NFS1: variants seen among roughly 807,000 people sequenced by gnomAD.
NFS1 encodes the protein cysteine desulfurase.
NFS1 carries 26 observed loss-of-function variants against 57.3 expected under a neutral mutation model. The ratio of observed to expected loss-of-function variants is 0.45; its 90% CI spans 0.33 to 0.63. NFS1 has a LOEUF of 0.63. Ranked by LOEUF, NFS1 falls within the 20% of genes least tolerant of loss-of-function variation. The pLI, the probability that NFS1 is intolerant of heterozygous loss-of-function variation, is 0.02. For synonymous variants in NFS1, 209 were observed against 216.3 expected, an observed-to-expected ratio of 0.97 and a Z score of 0.30; for missense variants, 505 against 605.8, an observed-to-expected ratio of 0.83 and a Z score of 1.75.
Position 35,675,170 on chromosome 20 carries a change from G to A in NFS1, c.823C>T (p.Arg275Cys), listed in dbSNP as rs745650051. Reference protein sequence around the residue: ...VGAIYIRRRPRVRVEALQSGG... With the variant: ...VGAIYIRRRPCVRVEALQSGG... ...CTCTGCAGGGCCTCCACACGCACAC[G>A]GGGCCGGCGACGGATGTAGATGGCA... Residue 275 changes from arginine to cysteine, a missense_variant, in exon 8 of 13, where the codon CGT becomes TGT. Transcript: ENST00000374092. 1.3e-5 allele frequency: 21 copies of A among 1,613,476 alleles called. No individual in the cohort carries two copies. Among genetic ancestry groups the A allele is most frequent in the Admixed American group, 8.3e-5 (5 of 59,956 alleles).
At chr20:35,676,415 G>C (rs965066076) in intron 7 of NFS1, among the ~76,000 whole-genome samples, 2 of 151,362 alleles carry the variant, frequency 1.3e-5, no homozygotes, top group Admixed American at 6.6e-5. Flanking sequence ...GTGAAACCCC[G>C]TAATTATTAA....
intron 4 of NFS1, among the ~76,000 whole-genome samples, chr20:35,695,995 GCGC>G (rs1266111549): frequency 6.6e-6 from 1 of 151,912 alleles, no homozygotes; most frequent in Non-Finnish European, 1.5e-5. Flanking sequence ...AGCTGAGATT[GCGC>G]CACTGCACTC....
intron 3 of NFS1, 60 bp from the exon 4 acceptor site, chr20:35,696,520 G>A (rs1232509231): frequency 7.5e-7 from 1 of 1,326,304 alleles, no homozygotes; most frequent in Non-Finnish European, 1.1e-6. Flanking sequence ...TAGAGCTGCA[G>A]ACACAGGTGG....
rs1169590159 is a variant in NFS1, at chr20:35,699,223, G to C, written c.66C>G (p.Pro22=). The change falls in exon 1 of 13, where the codon CCC becomes CCG. Residue 22 remains proline (P), a synonymous_variant. Coordinates refer to ENST00000374092, the MANE Select transcript of NFS1 (RefSeq NM_021100.5). The surrounding 1 kb of genome is among the most constrained non-coding windows in gnomAD (Gnocchi z 4.4). ...GGCGCAGCCCCCGAGTGGGCGCCGC[G>C]GGCTTCGGCCCTGGAGCCGCTGTCA... The part of the protein sequence containing the change: ...VAVTAAPGPK[P]AAPTRGLRLR... The C allele has an allele frequency of 4.2e-6, 6 of 1,427,880 alleles. No individual in the cohort carries two copies. The highest frequency in any genetic ancestry group is 1.5e-5 in the African/African-American group (1 of 66,516). The allele number at this position is 1,427,880 out of a possible 1,614,324, so 88.5% of individuals were successfully genotyped here.
intron 3 of NFS1, among the ~76,000 whole-genome samples, chr20:35,696,935 C>T (rs866580479): frequency 3.9e-5 from 6 of 151,926 alleles, no homozygotes; most frequent in Admixed American, 6.6e-5. Context: ...GGAGAAACCC[C>T]GTCTCTACTA....
At chr20:35,673,507 A>G (rs1357643598) in intron 11 of NFS1, 94 bp downstream of exon 11, 2 of 1,082,788 alleles carry the variant, frequency 1.8e-6, no homozygotes, top group Non-Finnish European at 2.8e-6. Flanking sequence ...CTCGACTGAG[A>G]AAAACTTCAG....
At chr20:35,674,678 G>T in intron 8 of NFS1, 61 bp from the exon 9 acceptor site, 2 of 1,310,716 alleles carry the variant, frequency 1.5e-6, no homozygotes, top group South Asian at 2.4e-5. Flanking sequence ...AAGACAGTTT[G>T]AGAAGCCCTT....
intron 7 of NFS1, chr20:35,675,528 G>C (rs1463235804): frequency 1.9e-5 from 6 of 307,938 alleles, no homozygotes; most frequent in African/African-American, 1.1e-4. Context: ...CATCATCAGG[G>C]TAATGGTCAA....
chr20:35,680,681 T>A lies in NFS1; in HGVS notation c.790+56A>T, dbSNP rs954923997. 9.4e-6 allele frequency: 13 copies of A among 1,382,840 alleles called. No homozygotes were observed. In the African/African-American group the frequency reaches 1.8e-4, roughly 19 times the overall value. The allele number at this position is 1,382,840 out of a possible 1,614,324, so 85.7% of individuals were successfully genotyped here. ...GTCCCAAATGACTGTGACAAACATC[T>A]ATCAAAGGTCTTGCTGGAAGGTACA... On this transcript the variant is annotated intron_variant, in intron 7 of 12. Transcript: ENST00000374092.
At chr20:35,670,052 A>G (rs2034628310) in intron 12 of NFS1, among the ~76,000 whole-genome samples, 1 of 152,250 alleles carries the variant, frequency 6.6e-6, no homozygotes, top group South Asian at 2.1e-4. Context: ...TGAGACTTGT[A>G]TAAACATCTA....
chr20:35,681,515 T>C (rs891182766), intron 6 of NFS1, among the ~76,000 whole-genome samples: 2 of 152,192 alleles, frequency 1.3e-5, no homozygotes, highest in Non-Finnish European at 2.9e-5. Context: ...CTGGCCAACA[T>C]GGCAAAACCT....
Position 35,673,678 on chromosome 20 carries a change from G to T in NFS1, c.1143C>A (p.Cys381Ter). The T allele has an allele frequency of 6.2e-7, 1 of 1,613,504 alleles. No homozygotes were observed. The highest frequency in any genetic ancestry group is 8.5e-7 in the Non-Finnish European group (1 of 1,179,556). The change falls in exon 11 of 13, where the codon TGC (cysteine) becomes TGA (stop). Residue 381 changes from cysteine to a stop codon, truncating the protein, a stop_gained. Coordinates refer to ENST00000374092, the MANE Select transcript of NFS1 (RefSeq NM_021100.5). LOFTEE classifies it high-confidence loss of function. Reference sequence around the variant, plus strand: ...AAGAGGGCTCCAGGGATGCAGAGGTGCAGGCACTGAGGAGAGAGACACGAA... The same window carrying T: ...AAGAGGGCTCCAGGGATGCAGAGGTTCAGGCACTGAGGAGAGAGACACGAA... Reference protein sequence around the residue: ...KDVALSSGSACTSASLEPSYV... With the variant: ...KDVALSSGSA
At chr20:35,697,087 CA>C (rs1417084064) in intron 3 of NFS1, among the ~76,000 whole-genome samples, 1 of 151,058 alleles carries the variant, frequency 6.6e-6, no homozygotes, top group Admixed American at 6.6e-5. Flanking sequence ...GCCTGGGTAA[CA>C]AGAGCAAAAC....
At chr20:35,673,978 G>A (rs964608749) in intron 10 of NFS1, 2 of 446,192 alleles carry the variant, frequency 4.5e-6, no homozygotes, top group African/African-American at 4.0e-5. Flanking sequence ...AGAGGACCAT[G>A]TGCTCACTTC....
chr20:35,673,803 G>A (rs2034696263), intron 10 of NFS1, 119 bp from the exon 11 acceptor site: 1 of 707,732 alleles, frequency 1.4e-6, no homozygotes, highest in East Asian at 2.8e-5. Flanking sequence ...GAAAACAAGA[G>A]ACCTTCTAAT....
rs1186290541 is a variant in NFS1 at position 35,696,433 on chromosome 20, G to T, written c.352C>A (p.Pro118Thr). 6.2e-7 allele frequency: 1 copy of T among 1,613,778 alleles called. No individual in the cohort carries two copies. Among genetic ancestry groups the T allele is most frequent in the Non-Finnish European group, 8.5e-7 (1 of 1,179,872 alleles). ...QQVASLIGAD[P>T]REIIFTSGAT... ...CCACTAGTAAAAATGATCTCACGAG[G>T]ATCAGCTCCAATCAGAGATGCTACT... is the stretch of plus-strand genomic sequence containing the variant. The change falls in exon 4 of 13, where the codon CCT becomes ACT. Residue 118 changes from proline to threonine, a missense_variant. Pro to Thr is a conservative substitution (Grantham distance 38). Coordinates refer to ENST00000374092, the MANE Select transcript of NFS1 (RefSeq NM_021100.5).
intron 1 of NFS1, chr20:35,698,982 C>G: frequency 7.5e-7 from 1 of 1,326,308 alleles, no homozygotes; most frequent in Non-Finnish European, 9.6e-7. Context: ...CTCCACGGCT[C>G]TGGGGGCCTG....
intron 5 of NFS1, among the ~76,000 whole-genome samples, chr20:35,688,449 C>A (rs1413021137): frequency 6.6e-6 from 1 of 151,302 alleles, no homozygotes; most frequent in African/African-American, 2.4e-5. Context: ...CCTTGCTGCT[C>A]GGTAGGCTAA....
chr20:35,674,634 G>A lies in NFS1; in HGVS notation c.949-17C>T, dbSNP rs751503889. 7 of 1,593,094 alleles carry A rather than the reference G, an allele frequency of 4.4e-6. No homozygotes were observed. The highest frequency in any genetic ancestry group is 3.3e-5 in the Admixed American group (2 of 59,982). On this transcript the variant is annotated splice_polypyrimidine_tract_variant and intron_variant, in intron 8 of 12. Transcript: ENST00000374092. ...GTGGTCATACTAAGGAGCAGGCAAG[G>A]AAGGATTAGGCAGTAACCATTAACC...
Sources: gnomAD v4.1 joint callset for allele counts (sites outside exome capture counted in the v4.1 genomes callset) on GRCh38, gnomAD v4.1.1 for gene constraint, Gnocchi (gnomAD v3.1) non-coding constraint, MANE v1.5 for transcripts, NCBI Gene and HGNC (gene_info 2026-07-23, HGNC 2026-07-21) for gene names.